The following PHACTR3 variants were observed in gnomAD, a reference collection of about 807,000 sequenced individuals.
PHACTR3 encodes protein phosphatase 1, regulatory subunit 123.
PHACTR3 carries 16 observed loss-of-function variants against 66.8 expected under a neutral mutation model. That is an observed-to-expected ratio of 0.24 (90% CI 0.16 to 0.36). The LOEUF is 0.36. Among genes scored for constraint, PHACTR3 ranks in the 10% least tolerant of loss-of-function variants. PHACTR3 has a pLI of 1.00. For synonymous variants in PHACTR3, 323 were observed against 292.1 expected (o/e 1.11, Z -1.08); for missense variants, 647 against 719.9 (o/e 0.90, Z 1.16).
chr20:59,776,707 C>T (rs903115656), intron 7 of PHACTR3, among the ~76,000 whole-genome samples: 1 of 151,578 alleles, frequency 6.6e-6, no homozygotes, highest in African/African-American at 2.4e-5. Context: ...TCTCGGGAGC[C>T]TCAGGCCTGG....
chr20:59,718,906 T>C (rs918083088), intron 1 of PHACTR3, among the ~76,000 whole-genome samples: 4 of 152,242 alleles, frequency 2.6e-5, no homozygotes, highest in Non-Finnish European at 5.9e-5. Flanking sequence ...ATGGGCGTGT[T>C]GTCACCAGAA....
At chr20:59,611,050 G>A (rs2033829377) in intron 1 of PHACTR3, among the ~76,000 whole-genome samples, 1 of 152,274 alleles carries the variant, frequency 6.6e-6, no homozygotes. Flanking sequence ...AGAGAACAAT[G>A]AGATGCAAAG....
chr20:59,730,107 G>GC (rs1357625690), intron 1 of PHACTR3, among the ~76,000 whole-genome samples: 1 of 152,178 alleles, frequency 6.6e-6, no homozygotes, highest in Non-Finnish European at 1.5e-5. Context: ...TTCAGGGCCT[G>GC]CAGAGGCTGC....
At chr20:59,650,752 A>AC (rs201391174) in intron 1 of PHACTR3, among the ~76,000 whole-genome samples, 5,015 of 150,706 alleles carry the variant, frequency 0.033, 334 homozygotes, top group East Asian at 0.29. Context: ...AAAAAAAAAA[A>AC]AAAAAAAAAG....
intron 7 of PHACTR3, among the ~76,000 whole-genome samples, chr20:59,774,840 A>G (rs1601326325): frequency 6.6e-6 from 1 of 152,236 alleles, no homozygotes; most frequent in East Asian, 1.9e-4. Context: ...AACAGTATAT[A>G]GTTGGTGTAC....
At chr20:59,840,335 G>A (rs992579066) in intron 9 of PHACTR3, 34 bp from the exon 10 acceptor site, 6 of 1,597,286 alleles carry the variant, frequency 3.8e-6, no homozygotes, top group Non-Finnish European at 5.1e-6. Flanking sequence ...GTTTCTCTTT[G>A]TTATTTTTTT....
chr20:59,668,785 C>T (rs993043834), intron 1 of PHACTR3, among the ~76,000 whole-genome samples: 1 of 152,170 alleles, frequency 6.6e-6, no homozygotes, highest in Non-Finnish European at 1.5e-5. Context: ...CACTGCAACT[C>T]CGCCTCCTGG....
In PHACTR3 at chr20:59,747,756, A is replaced by G; in HGVS notation, c.281-2A>G. ...TCACCTGTGTGTTTGTGTGTTGGGCAGCGCTGGAGAAGAAGATGGCCGGCA... is the reference window on the plus strand; with the variant it reads ...TCACCTGTGTGTTTGTGTGTTGGGCGGCGCTGGAGAAGAAGATGGCCGGCA... On this transcript the variant is annotated splice_acceptor_variant, in intron 2 of 12. Transcript: ENST00000371015. LOFTEE classifies it high-confidence loss of function. 1 of 1,613,454 alleles carries G rather than the reference A, an allele frequency of 6.2e-7. No homozygotes were observed. Among genetic ancestry groups the G allele is most frequent in the Non-Finnish European group, 8.5e-7 (1 of 1,179,624 alleles).
chr20:59,752,716 G>A (rs999970223), intron 3 of PHACTR3, among the ~76,000 whole-genome samples: 10 of 152,188 alleles, frequency 6.6e-5, no homozygotes, highest in African/African-American at 2.4e-4. Context: ...TTTTGATGAT[G>A]ACGATGGAGG....
At chr20:59,679,911 A>G (rs2146537864) in intron 1 of PHACTR3, among the ~76,000 whole-genome samples, 1 of 152,320 alleles carries the variant, frequency 6.6e-6, no homozygotes, top group East Asian at 1.9e-4. Context: ...GCTACAATTC[A>G]AGAAGAGATT....
At position 59,668,870 on chromosome 20, in the gene PHACTR3, TTTTTATTTTATTTTATTTTATTTTA is replaced by T. The variant is rs76833383; in HGVS notation, c.118+63763_118+63787del. 2.0e-4 allele frequency among the ~76,000 whole-genome samples: 28 copies of T among 138,678 alleles called. No individual in the cohort carries two copies. In the South Asian group the frequency reaches 5.1e-3, roughly 25 times the overall value. 91.0% of individuals were successfully genotyped at this position (138,678 alleles called of 152,430 possible). A position where few individuals can be genotyped will look rare whatever the true frequency, so the allele number is the denominator to read the frequency against. ...TGCCCGTCACCACACACAGCTAATT[TTTTTATTTTATTTTATTTTATTTTA>T]TTTTATTTTATTTTATTTTATTTTG... On this transcript the variant is annotated intron_variant, in intron 1 of 12. Coordinates refer to ENST00000371015, the MANE Select transcript of PHACTR3 (RefSeq NM_080672.5).
intron 1 of PHACTR3, among the ~76,000 whole-genome samples, chr20:59,653,734 TATA>T (rs1198768096): frequency 3.9e-5 from 6 of 152,172 alleles, no homozygotes; most frequent in Admixed American, 3.9e-4. Flanking sequence ...AGAGATAAGG[TATA>T]ATATTTTTTA....
intron 1 of PHACTR3, among the ~76,000 whole-genome samples, chr20:59,734,127 A>T (rs2038862403): frequency 6.6e-6 from 1 of 152,072 alleles, no homozygotes. Flanking sequence ...TCCTAAGCTC[A>T]CCTATGTCAA....
intron 1 of PHACTR3, among the ~76,000 whole-genome samples, chr20:59,640,041 G>A (rs73914802): frequency 0.011 from 1,682 of 152,330 alleles, 22 homozygotes; most frequent in African/African-American, 0.038. Context: ...GCATGCTGGG[G>A]TTGAGGCTGT....
chr20:59,713,015 T>C (rs1454110234), intron 1 of PHACTR3, among the ~76,000 whole-genome samples: 1 of 152,250 alleles, frequency 6.6e-6, no homozygotes, highest in Non-Finnish European at 1.5e-5. Context: ...TGAAATAATA[T>C]TGGATCAGCC....
rs115084696 is a variant in PHACTR3 at position 59,625,917 on chromosome 20, G to A, written c.118+20785G>A. Reference sequence around the variant, plus strand: ...GGGTGCACCGCTTGTATCTGTGACCGAATACCTCAGGGTTTGTGGTGAGGG... The same window carrying A: ...GGGTGCACCGCTTGTATCTGTGACCAAATACCTCAGGGTTTGTGGTGAGGG... On this transcript the variant is annotated intron_variant, in intron 1 of 12. Transcript: ENST00000371015. Among the ~76,000 whole-genome samples, 247 of 152,198 alleles carry A rather than the reference G, an allele frequency of 1.6e-3. 2 individuals carry two copies. The highest frequency in any genetic ancestry group is 5.4e-3 in the African/African-American group (225 of 41,526).
intron 7 of PHACTR3, among the ~76,000 whole-genome samples, chr20:59,791,411 C>T (rs770238547): frequency 1.3e-5 from 2 of 152,098 alleles, no homozygotes; most frequent in African/African-American, 2.4e-5. Context: ...AAGATGGGCT[C>T]TAATTCTGAT....
intron 1 of PHACTR3, among the ~76,000 whole-genome samples, chr20:59,581,829 C>T (rs958072498): frequency 2.0e-5 from 3 of 150,704 alleles, no homozygotes; most frequent in Non-Finnish European, 2.9e-5. Context: ...TGCAGTGAGA[C>T]GACATTGCTC....
chr20:59,832,241 G>A (rs990107009), intron 8 of PHACTR3, among the ~76,000 whole-genome samples: 2 of 151,062 alleles, frequency 1.3e-5, no homozygotes, highest in African/African-American at 4.9e-5. Context: ...CGCCTGTAAT[G>A]TTGGCAAAGT....
Sources: allele counts gnomAD v4.1 joint callset (sites outside exome capture counted in the v4.1 genomes callset), GRCh38; gene constraint gnomAD v4.1.1; transcripts MANE v1.5; gene names NCBI Gene and HGNC (gene_info 2026-07-23, HGNC 2026-07-21).